Variants in MECOM observed in about 807,000 individuals in gnomAD.
The protein encoded by MECOM is MDS1 and EVI1 complex locus.
In MECOM, 13 loss-of-function variants were observed where a neutral mutation model predicts 116.3. That is an observed-to-expected ratio of 0.11 (90% CI 0.07 to 0.18). MECOM has a LOEUF of 0.18. Ranked by LOEUF, MECOM falls within the 10% of genes least tolerant of loss-of-function variation. The pLI is 1.00. For synonymous variants in MECOM, 528 were observed against 535.2 expected, an observed-to-expected ratio of 0.99 and a Z score of 0.19; for missense variants, 1,299 against 1,509.0, an observed-to-expected ratio of 0.86 and a Z score of 2.31.
intron 2 of MECOM, chr3:169,145,502 T>G (rs1056791157): frequency 4.3e-6 from 1 of 230,172 alleles, no homozygotes; most frequent in Non-Finnish European, 8.6e-6. Context: ...GTTGATCTTT[T>G]GTTGTTTGTT....
At chr3:169,145,153 C>CAG in intron 2 of MECOM, 1 of 349,186 alleles carries the variant, frequency 2.9e-6, no homozygotes, top group South Asian at 3.8e-5. Context: ...AACACACACA[C>CAG]ACACACACAC....
At chr3:169,608,658 C>T (rs1043877241) in intron 1 of MECOM, among the ~76,000 whole-genome samples, 2 of 152,148 alleles carry the variant, frequency 1.3e-5, no homozygotes, top group African/African-American at 4.8e-5. Flanking sequence ...TGAAGCAGTC[C>T]TAATGGAACT....
At chr3:169,657,426 TGTAA>T (rs1304018863) in intron 1 of MECOM, among the ~76,000 whole-genome samples, 1 of 152,192 alleles carries the variant, frequency 6.6e-6, no homozygotes, top group Non-Finnish European at 1.5e-5. Context: ...GCAAGGCCAA[TGTAA>T]TAAGATGCTG....
At chr3:169,146,809 A>G (rs1228829427) in intron 2 of MECOM, 8 of 1,107,992 alleles carry the variant, frequency 7.2e-6, no homozygotes, top group Non-Finnish European at 8.9e-6. Flanking sequence ...AGCAGCCCCC[A>G]ACGCTCCTGC....
At chr3:169,417,627 T>C (rs1335673098) in intron 1 of MECOM, among the ~76,000 whole-genome samples, 2 of 151,630 alleles carry the variant, frequency 1.3e-5, no homozygotes, top group Admixed American at 1.3e-4. Context: ...CAAAGGACTA[T>C]AAATCATGCT....
intron 10 of MECOM, among the ~76,000 whole-genome samples, chr3:169,106,153 T>C (rs529466516): frequency 1.3e-5 from 2 of 152,314 alleles, no homozygotes; most frequent in South Asian, 2.1e-4. Flanking sequence ...TTTGTAGATT[T>C]GGTGATTTTC....
chr3:169,497,955 T>C (rs1242108613), intron 1 of MECOM, among the ~76,000 whole-genome samples: 1 of 152,234 alleles, frequency 6.6e-6, no homozygotes, highest in African/African-American at 2.4e-5. Flanking sequence ...GTGAATCACA[T>C]TGATAAATCA....
intron 1 of MECOM, among the ~76,000 whole-genome samples, chr3:169,522,146 A>G (rs1318610345): frequency 6.6e-6 from 1 of 152,196 alleles, no homozygotes. Flanking sequence ...TAGCATTTCC[A>G]TGTTGAGAGG....
At chr3:169,340,637 C>A (rs1010981845) in intron 2 of MECOM, among the ~76,000 whole-genome samples, 3 of 152,054 alleles carry the variant, frequency 2.0e-5, no homozygotes, top group Admixed American at 2.0e-4. Flanking sequence ...GATTTTACAA[C>A]ATGAAAAAGA....
At chr3:169,475,661 A>G (rs1578204601) in intron 1 of MECOM, among the ~76,000 whole-genome samples, 1 of 152,268 alleles carries the variant, frequency 6.6e-6, no homozygotes, top group South Asian at 2.1e-4. Flanking sequence ...ATGCATATTT[A>G]AAATTCACCA....
At chr3:169,360,598 T>A (rs975097613) in intron 2 of MECOM, among the ~76,000 whole-genome samples, 1 of 151,766 alleles carries the variant, frequency 6.6e-6, no homozygotes, top group Non-Finnish European at 1.5e-5. Flanking sequence ...CCATACACTT[T>A]ATCGCAATAT....
intron 9 of MECOM, among the ~76,000 whole-genome samples, chr3:169,112,470 A>G (rs1727733301): frequency 6.6e-6 from 1 of 152,132 alleles, no homozygotes; most frequent in African/African-American, 2.4e-5. Flanking sequence ...AGTATCAGCA[A>G]CCACCACACA....
chr3:169,219,341 C>T (rs1003700040), intron 2 of MECOM, among the ~76,000 whole-genome samples: 1 of 152,072 alleles, frequency 6.6e-6, no homozygotes, highest in African/African-American at 2.4e-5. Context: ...CGCGTATCCA[C>T]TAAAAATACA....
intron 1 of MECOM, among the ~76,000 whole-genome samples, chr3:169,604,012 G>A (rs554842652): frequency 6.6e-6 from 1 of 152,278 alleles, no homozygotes; most frequent in African/African-American, 2.4e-5. Context: ...TTTAGGGACA[G>A]TTTTTAAAGT....
intron 12 of MECOM, among the ~76,000 whole-genome samples, chr3:169,096,969 T>G (rs1013198775): frequency 1.4e-4 from 21 of 148,790 alleles, no homozygotes; most frequent in African/African-American, 4.8e-4. Context: ...GCCCCAGTTT[T>G]TTTTTTTTTT....
chr3:169,194,446 C>A (rs1358743189), intron 2 of MECOM, among the ~76,000 whole-genome samples: 1 of 151,780 alleles, frequency 6.6e-6, no homozygotes, highest in Non-Finnish European at 1.5e-5. Flanking sequence ...CACATGTACC[C>A]TAAAACCTAA....
intron 2 of MECOM, among the ~76,000 whole-genome samples, chr3:169,292,331 TC>T (rs1437156474): frequency 6.6e-6 from 1 of 152,006 alleles, no homozygotes; most frequent in East Asian, 1.9e-4. Flanking sequence ...AGATGCCATC[TC>T]AAAATAAAAT....
At chr3:169,094,891 A>AC (rs1275894732) in intron 13 of MECOM, among the ~76,000 whole-genome samples, 185 bp downstream of exon 13, 5 of 152,254 alleles carry the variant, frequency 3.3e-5, no homozygotes, top group Admixed American at 3.3e-4. Flanking sequence ...CCACTGAATT[A>AC]TAAATTAATG....
chr3:169,419,460 A>G (rs1053271424), intron 1 of MECOM, among the ~76,000 whole-genome samples: 1 of 152,284 alleles, frequency 6.6e-6, no homozygotes, highest in Middle Eastern at 3.4e-3. Flanking sequence ...AAAAAGAACA[A>G]AGCTGGAGGC....
Sources: gnomAD v4.1 joint callset for allele counts (sites outside exome capture counted in the v4.1 genomes callset) on GRCh38, gnomAD v4.1.1 for gene constraint, MANE v1.5 for transcripts, NCBI Gene and HGNC (gene_info 2026-07-23, HGNC 2026-07-21) for gene names.